The following SDK1 variants were observed in gnomAD, a reference collection of about 807,000 sequenced individuals.
The protein encoded by SDK1 is protein sidekick-1.
A neutral mutation model predicts 245.5 loss-of-function variants in SDK1; 157 were observed. The ratio of observed to expected loss-of-function variants is 0.64; its 90% CI spans 0.56 to 0.73. The LOEUF is 0.73. Ranked by LOEUF, SDK1 falls within the 30% of genes least tolerant of loss-of-function variation. The probability of loss-of-function intolerance (pLI) is 0.00; values close to 1 mark genes in which losing one functional copy is unlikely to be tolerated. For missense variants in SDK1, 3,583 were observed against 3,002.3 expected (o/e 1.19, Z -4.52); for synonymous variants, 1,647 against 1,278.5 (o/e 1.29, Z -6.15).
chr7:4,216,191 A>C (rs1401920969), intron 38 of SDK1, among the ~76,000 whole-genome samples: 2 of 152,200 alleles, frequency 1.3e-5, no homozygotes, highest in Non-Finnish European at 2.9e-5. Context: ...GGATAGCTTG[A>C]AAAGGACGAC....
intron 1 of SDK1, among the ~76,000 whole-genome samples, chr7:3,577,140 A>AATG (rs1780319670): frequency 6.6e-6 from 1 of 151,840 alleles, no homozygotes. Flanking sequence ...CCCCATTCTA[A>AATG]ATGAAATCCA....
chr7:3,541,777 G>A (rs544763614), intron 1 of SDK1, among the ~76,000 whole-genome samples: 1 of 152,258 alleles, frequency 6.6e-6, no homozygotes, highest in South Asian at 2.1e-4. Context: ...TCACCCCAAT[G>A]CATGACTTAG....
chr7:3,748,838 T>C (rs1354964759), intron 4 of SDK1, among the ~76,000 whole-genome samples: 6 of 152,200 alleles, frequency 3.9e-5, no homozygotes, highest in Non-Finnish European at 5.9e-5. Flanking sequence ...CCGAATGCTT[T>C]TGTTTTGAGA....
intron 5 of SDK1, among the ~76,000 whole-genome samples, chr7:3,822,635 G>A (rs756596481): frequency 6.6e-6 from 1 of 152,046 alleles, no homozygotes; most frequent in South Asian, 2.1e-4. Flanking sequence ...AGGCATGGTG[G>A]TATGCACCTG....
intron 22 of SDK1, among the ~76,000 whole-genome samples, chr7:4,084,561 C>G (rs1171270574): frequency 6.6e-6 from 1 of 152,142 alleles, no homozygotes; most frequent in Non-Finnish European, 1.5e-5. Context: ...CCAGCTGGTC[C>G]CTGCTTCGAC....
intron 35 of SDK1, among the ~76,000 whole-genome samples, chr7:4,187,812 G>A (rs1782979063): frequency 6.6e-6 from 1 of 152,210 alleles, no homozygotes; most frequent in Non-Finnish European, 1.5e-5. Flanking sequence ...CTTGATAAGA[G>A]TATGTTGTTG....
chr7:3,381,182 C>T (rs937756807), intron 1 of SDK1, among the ~76,000 whole-genome samples: 1 of 152,010 alleles, frequency 6.6e-6, no homozygotes, highest in Admixed American at 6.6e-5. Flanking sequence ...AAGAGACTGG[C>T]AGAAGAATAG....
intron 19 of SDK1, among the ~76,000 whole-genome samples, chr7:4,054,391 G>T (rs1237308355): frequency 6.6e-6 from 1 of 152,216 alleles, no homozygotes; most frequent in East Asian, 1.9e-4. Flanking sequence ...TGACACTGAT[G>T]ATACAATTCA....
chr7:3,723,895 T>A (rs1251721828), intron 4 of SDK1, among the ~76,000 whole-genome samples: 1 of 130,096 alleles, frequency 7.7e-6, no homozygotes, highest in Admixed American at 7.7e-5. Flanking sequence ...TATATACACG[T>A]GTATATACAC....
At chr7:3,457,384 G>C (rs1318773103) in intron 1 of SDK1, among the ~76,000 whole-genome samples, 1 of 151,774 alleles carries the variant, frequency 6.6e-6, no homozygotes, top group East Asian at 1.9e-4. Context: ...TGATTCTTGT[G>C]CCTTTCCCGA....
intron 5 of SDK1, among the ~76,000 whole-genome samples, chr7:3,862,392 G>T (rs1276772236): frequency 6.6e-6 from 1 of 152,172 alleles, no homozygotes; most frequent in Non-Finnish European, 1.5e-5. Flanking sequence ...TGTTGTTGTG[G>T]CACAGCGAGC....
chr7:4,045,876 T>G, intron 17 of SDK1, among the ~76,000 whole-genome samples: 1 of 152,212 alleles, frequency 6.6e-6, no homozygotes, highest in Non-Finnish European at 1.5e-5. Flanking sequence ...GAAGTAACTA[T>G]TCTTTTTGCG....
intron 1 of SDK1, among the ~76,000 whole-genome samples, chr7:3,451,035 A>AAG (rs1262365035): frequency 6.6e-6 from 1 of 152,162 alleles, no homozygotes; most frequent in Non-Finnish European, 1.5e-5. Flanking sequence ...TTTGGCAATA[A>AAG]AGAGGTCATC....
At chr7:4,138,344 T>C (rs567146641) in intron 28 of SDK1, among the ~76,000 whole-genome samples, 1 of 152,298 alleles carries the variant, frequency 6.6e-6, no homozygotes, top group South Asian at 2.1e-4. Flanking sequence ...AAATTCATGC[T>C]TCTAAAGGGA....
At chr7:3,672,691 T>A (rs866683767) in intron 4 of SDK1, among the ~76,000 whole-genome samples, 1 of 134,914 alleles carries the variant, frequency 7.4e-6, no homozygotes, top group African/African-American at 2.7e-5. Context: ...TTAAATAAAA[T>A]TTATATTAAA....
intron 8 of SDK1, among the ~76,000 whole-genome samples, chr7:3,961,178 A>G (rs1297385467): frequency 2.0e-5 from 3 of 152,250 alleles, no homozygotes; most frequent in Admixed American, 6.5e-5. Context: ...TCATTTTGAC[A>G]GTGAAACTAT....
At chr7:4,115,948 G>A (rs573910094) in intron 25 of SDK1, among the ~76,000 whole-genome samples, 4 of 152,186 alleles carry the variant, frequency 2.6e-5, no homozygotes, top group African/African-American at 9.7e-5. Context: ...AGAAAACCTC[G>A]CACAGTCAGC....
intron 32 of SDK1, among the ~76,000 whole-genome samples, chr7:4,163,404 C>T (rs753611249): frequency 5.9e-5 from 9 of 152,070 alleles, no homozygotes; most frequent in African/African-American, 1.2e-4. Context: ...CCTTGGAGGG[C>T]GAGGGGATGT....
intron 4 of SDK1, among the ~76,000 whole-genome samples, chr7:3,729,145 T>G (rs1779100540): frequency 6.6e-6 from 1 of 152,140 alleles, no homozygotes; most frequent in Non-Finnish European, 1.5e-5. Context: ...GCATCAAACT[T>G]TTTAGGATAT....
Sources: gnomAD v4.1 joint callset for allele counts (sites outside exome capture counted in the v4.1 genomes callset) on GRCh38, gnomAD v4.1.1 for gene constraint, MANE v1.5 for transcripts, NCBI Gene and HGNC (gene_info 2026-07-23, HGNC 2026-07-21) for gene names.